Variants in LINGO2 observed in about 807,000 individuals in gnomAD.
The protein encoded by LINGO2 is leucine rich repeat and Ig domain containing 2, also known as leucine-rich repeat and immunoglobulin-like domain-containing nogo receptor-interacting protein 2.
A neutral mutation model predicts 30.6 loss-of-function variants in LINGO2; 14 were observed. The observed-to-expected ratio is 0.46, with a 90% CI of 0.30 to 0.72. The LOEUF (loss-of-function observed/expected upper bound fraction) is 0.72. LINGO2 is among the 30% of genes least tolerant of loss of function. The pLI is 0.07. For synonymous variants in LINGO2, 317 were observed against 288.5 expected (o/e 1.10, Z -1.00); for missense variants, 729 against 751.7 (o/e 0.97, Z 0.35).
chr9:28,982,071 C>G, the LINGO2 span, among the ~76,000 whole-genome samples: 1 of 152,012 alleles, frequency 6.6e-6, no homozygotes. Flanking sequence ...GTGTGTTTCT[C>G]AAAATGCAGT....
chr9:28,347,994 A>T (rs79294342), intron 3 of LINGO2, among the ~76,000 whole-genome samples: 2,272 of 152,316 alleles, frequency 0.015, 53 homozygotes, highest in African/African-American at 0.052. Context: ...ACTTATTTTC[A>T]ACACTTTGGA....
chr9:28,878,868 C>A, the LINGO2 span, among the ~76,000 whole-genome samples: 218 of 152,170 alleles, frequency 1.4e-3, 3 homozygotes, highest in African/African-American at 4.9e-3. Flanking sequence ...TATGACAAAC[C>A]CACAGCCAAT....
chr9:28,263,808 A>G (rs1822650452), intron 4 of LINGO2, among the ~76,000 whole-genome samples: 2 of 151,998 alleles, frequency 1.3e-5, no homozygotes, highest in South Asian at 2.1e-4. Context: ...TAATGAACAG[A>G]TTAATCAGTT....
At chr9:28,935,838 G>A in the LINGO2 span, among the ~76,000 whole-genome samples, 136,766 of 152,040 alleles carry the variant, frequency 0.9, 61,740 homozygotes, top group Non-Finnish European at 0.94. Flanking sequence ...TGGCAAAATA[G>A]GGCTCAATCT....
intron 4 of LINGO2, among the ~76,000 whole-genome samples, chr9:28,203,731 G>T (rs1176214787): frequency 6.6e-6 from 1 of 152,138 alleles, no homozygotes; most frequent in Non-Finnish European, 1.5e-5. Context: ...ATCACAAAAT[G>T]TTAGAATTAG....
chr9:28,499,971 C>G (rs2135310270), intron 1 of LINGO2, among the ~76,000 whole-genome samples: 1 of 152,248 alleles, frequency 6.6e-6, no homozygotes, highest in Non-Finnish European at 1.5e-5. Flanking sequence ...TTAAAATGAT[C>G]CTAGACTTGA....
the LINGO2 span, among the ~76,000 whole-genome samples, chr9:28,705,388 C>G: frequency 9.9e-5 from 15 of 152,168 alleles, no homozygotes; most frequent in African/African-American, 3.4e-4. Context: ...GGACTGTGGA[C>G]TTCACAAGTG....
At chr9:29,033,656 A>G in the LINGO2 span, among the ~76,000 whole-genome samples, 1 of 152,046 alleles carries the variant, frequency 6.6e-6, no homozygotes, top group East Asian at 1.9e-4. Context: ...AAAAATAATT[A>G]TACTTGTATT....
At chr9:28,182,064 T>C (rs1482012237) in intron 4 of LINGO2, among the ~76,000 whole-genome samples, 1 of 151,968 alleles carries the variant, frequency 6.6e-6, no homozygotes, top group Admixed American at 6.6e-5. Flanking sequence ...CTTCAAACTA[T>C]ACTACAAGGC....
the LINGO2 span, among the ~76,000 whole-genome samples, chr9:29,181,569 G>T: frequency 6.6e-6 from 1 of 152,268 alleles, no homozygotes; most frequent in East Asian, 1.9e-4. Context: ...AAAACAAGTT[G>T]AAAGGATTCT....
At chr9:28,917,754 C>T in the LINGO2 span, among the ~76,000 whole-genome samples, 1 of 151,982 alleles carries the variant, frequency 6.6e-6, no homozygotes, top group Non-Finnish European at 1.5e-5. Flanking sequence ...TTGAGTAAAG[C>T]AAGAGAAAGC....
At chr9:28,871,899 C>T in the LINGO2 span, among the ~76,000 whole-genome samples, 1 of 151,852 alleles carries the variant, frequency 6.6e-6, no homozygotes, top group Non-Finnish European at 1.5e-5. Flanking sequence ...TAATTTCTAC[C>T]TTATTTTATC....
chr9:28,717,211 G>C, the LINGO2 span, among the ~76,000 whole-genome samples: 3 of 151,882 alleles, frequency 2.0e-5, no homozygotes, highest in East Asian at 1.9e-4. Context: ...AGTGTCAAAG[G>C]AGTCATTCAT....
intron 4 of LINGO2, among the ~76,000 whole-genome samples, chr9:28,125,658 A>G (rs1827216205): frequency 6.6e-6 from 1 of 152,142 alleles, no homozygotes; most frequent in Non-Finnish European, 1.5e-5. Context: ...GCCCACGTAG[A>G]TTTCCAAGAC....
chr9:29,057,680 G>T, the LINGO2 span, among the ~76,000 whole-genome samples: 3 of 152,024 alleles, frequency 2.0e-5, no homozygotes, highest in Non-Finnish European at 4.4e-5. Flanking sequence ...CTACATAGAG[G>T]CCCTGCCTTG....
intron 4 of LINGO2, among the ~76,000 whole-genome samples, chr9:28,251,509 G>A (rs1206922072): frequency 6.6e-6 from 1 of 152,106 alleles, no homozygotes; most frequent in Non-Finnish European, 1.5e-5. Context: ...CATTTATCCT[G>A]AAAACATGTA....
chr9:28,178,402 C>A (rs1316195447), intron 4 of LINGO2, among the ~76,000 whole-genome samples: 1 of 151,960 alleles, frequency 6.6e-6, no homozygotes, highest in Non-Finnish European at 1.5e-5. Context: ...AAATATACAT[C>A]AACATGGCAA....
At chr9:29,076,912 T>C in the LINGO2 span, among the ~76,000 whole-genome samples, 1 of 151,964 alleles carries the variant, frequency 6.6e-6, no homozygotes, top group Non-Finnish European at 1.5e-5. Flanking sequence ...AGAATTAAAA[T>C]AAATTACAAA....
At chr9:29,043,369 C>T in the LINGO2 span, among the ~76,000 whole-genome samples, 3 of 151,880 alleles carry the variant, frequency 2.0e-5, no homozygotes, top group Non-Finnish European at 4.4e-5. Flanking sequence ...TTCTACAAAG[C>T]TTGAAGATGA....
Sources: allele counts gnomAD v4.1 joint callset (sites outside exome capture counted in the v4.1 genomes callset), GRCh38; gene constraint gnomAD v4.1.1; transcripts MANE v1.5; gene names NCBI Gene and HGNC (gene_info 2026-07-23, HGNC 2026-07-21).